Variants in CAPZB observed in about 807,000 individuals in gnomAD.
CAPZB encodes F-actin-capping protein subunit beta.
CAPZB carries 2 observed loss-of-function variants against 38.1 expected under a neutral mutation model. That is an observed-to-expected ratio of 0.05 (90% confidence interval 0.02 to 0.17). The LOEUF is 0.17. Among genes scored for constraint, CAPZB ranks in the 10% least tolerant of loss-of-function variants. The probability of loss-of-function intolerance (pLI) is 1.00; values close to 1 mark genes in which losing one functional copy is unlikely to be tolerated. For missense variants in CAPZB, 161 were observed against 334.2 expected (o/e 0.48, Z 4.04); for synonymous variants, 107 against 127.4 (o/e 0.84, Z 1.08).
At chr1:19,481,112 GCTGCCTCCAGCCTAAAGTTGAAC>G (rs1208007619) in intron 1 of CAPZB, among the ~76,000 whole-genome samples, 1 of 152,172 alleles carries the variant, frequency 6.6e-6, no homozygotes, top group Non-Finnish European at 1.5e-5. Context: ...CTTGTACTAT[GCTGCCTCCAGCCTAAAGTTGAAC>G]CTACCTTGTC....
chr1:19,390,989 C>T (rs1247454279), intron 2 of CAPZB, among the ~76,000 whole-genome samples: 1 of 152,106 alleles, frequency 6.6e-6, no homozygotes, highest in Non-Finnish European at 1.5e-5. Context: ...CACGCAGCTA[C>T]GGGCCAATGT....
chr1:19,373,247 C>T (rs1465553183), intron 4 of CAPZB, among the ~76,000 whole-genome samples: 1 of 152,134 alleles, frequency 6.6e-6, no homozygotes, highest in Non-Finnish European at 1.5e-5. Context: ...CCCTGCACCC[C>T]TACTCGCCTT....
intron 2 of CAPZB, among the ~76,000 whole-genome samples, chr1:19,417,390 T>C (rs1007864500): frequency 2.6e-5 from 4 of 152,170 alleles, no homozygotes; most frequent in Non-Finnish European, 4.4e-5. Flanking sequence ...ATGCTGAGTT[T>C]AGAGGAAAAA....
chr1:19,434,226 C>G (rs1005192612), intron 1 of CAPZB, among the ~76,000 whole-genome samples: 8 of 152,168 alleles, frequency 5.3e-5, no homozygotes, highest in Non-Finnish European at 1.0e-4. Context: ...GACAAGAGTT[C>G]AAAGCCCATA....
intron 1 of CAPZB, among the ~76,000 whole-genome samples, chr1:19,439,436 T>G (rs1350310595): frequency 6.6e-6 from 1 of 152,240 alleles, no homozygotes; most frequent in African/African-American, 2.4e-5. Context: ...TTCAGTGGCC[T>G]TGGAGTCCCA....
chr1:19,481,354 CA>C (rs2094627834), intron 1 of CAPZB, among the ~76,000 whole-genome samples: 1 of 152,276 alleles, frequency 6.6e-6, no homozygotes, highest in Admixed American at 6.5e-5. Context: ...GGATCTGCTG[CA>C]AGGGGAAATG....
At chr1:19,434,521 T>C (rs1319421040) in intron 1 of CAPZB, among the ~76,000 whole-genome samples, 1 of 149,382 alleles carries the variant, frequency 6.7e-6, no homozygotes, top group African/African-American at 2.5e-5. Context: ...GGCCAGGAGT[T>C]TGAGACCAAC....
chr1:19,405,112 G>A (rs2094324466), intron 2 of CAPZB, among the ~76,000 whole-genome samples: 2 of 152,164 alleles, frequency 1.3e-5, no homozygotes, highest in South Asian at 4.1e-4. Flanking sequence ...GCTCCAAGAG[G>A]CATCCGTCCC....
At chr1:19,428,702 C>T (rs1025728233) in intron 1 of CAPZB, among the ~76,000 whole-genome samples, 2 of 152,146 alleles carry the variant, frequency 1.3e-5, no homozygotes, top group Non-Finnish European at 2.9e-5. Flanking sequence ...AAAATCCGCA[C>T]CTAAACCTGG....
intron 1 of CAPZB, among the ~76,000 whole-genome samples, chr1:19,450,378 T>C (rs1274190182): frequency 6.6e-6 from 1 of 152,128 alleles, no homozygotes; most frequent in Non-Finnish European, 1.5e-5. Context: ...CCAAAGAACA[T>C]TTCCTTTGAG....
chr1:19,429,604 C>A (rs938574690), intron 1 of CAPZB, among the ~76,000 whole-genome samples: 18 of 152,196 alleles, frequency 1.2e-4, no homozygotes, highest in African/African-American at 4.1e-4. Flanking sequence ...GCACCGCCCA[C>A]AGAGCATCCT....
chr1:19,431,579 G>A (rs553243240), intron 1 of CAPZB, among the ~76,000 whole-genome samples: 12 of 141,056 alleles, frequency 8.5e-5, no homozygotes, highest in Middle Eastern at 3.6e-3. Flanking sequence ...AAATCAGCTG[G>A]GCGTGGTGGC....
At chr1:19,466,080 T>C (rs2094568159) in intron 1 of CAPZB, among the ~76,000 whole-genome samples, 1 of 152,180 alleles carries the variant, frequency 6.6e-6, no homozygotes, top group Non-Finnish European at 1.5e-5. Context: ...CTACCATCCA[T>C]GACCAAGGAC....
chr1:19,457,265 G>A (rs2094535889), intron 1 of CAPZB, among the ~76,000 whole-genome samples: 3 of 152,148 alleles, frequency 2.0e-5, no homozygotes, highest in African/African-American at 4.8e-5. Context: ...TTTCAACTGG[G>A]TTCACAGCAC....
intron 1 of CAPZB, 197 bp from the exon 2 acceptor site, chr1:19,419,947 T>C (rs1238920965): frequency 3.8e-6 from 2 of 527,988 alleles, no homozygotes; most frequent in Non-Finnish European, 6.7e-6. Context: ...TTGACAGCAG[T>C]CTCTGTCTCA....
intron 1 of CAPZB, among the ~76,000 whole-genome samples, chr1:19,447,227 T>TA (rs1234537680): frequency 1.4e-5 from 2 of 147,682 alleles, no homozygotes; most frequent in Non-Finnish European, 3.0e-5. Context: ...TTGACGAACT[T>TA]AAAACTCGAC....
intron 2 of CAPZB, among the ~76,000 whole-genome samples, chr1:19,396,216 C>T (rs756724562): frequency 1.3e-5 from 2 of 152,190 alleles, no homozygotes; most frequent in African/African-American, 2.4e-5. Context: ...GCCTCATGCC[C>T]GGCTTGATGC....
chr1:19,450,793 A>T (rs996741376), intron 1 of CAPZB, among the ~76,000 whole-genome samples: 1 of 152,258 alleles, frequency 6.6e-6, no homozygotes, highest in African/African-American at 2.4e-5. Flanking sequence ...CTGAAGAAGG[A>T]TAAAGCAGCA....
intron 1 of CAPZB, among the ~76,000 whole-genome samples, chr1:19,430,829 C>A (rs751104702): frequency 3.6e-4 from 55 of 152,164 alleles, no homozygotes; most frequent in Non-Finnish European, 5.0e-4. Context: ...ACAACATATA[C>A]AATGGGCTAA....
Sources: allele counts gnomAD v4.1 joint callset (sites outside exome capture counted in the v4.1 genomes callset), GRCh38; gene constraint gnomAD v4.1.1; transcripts MANE v1.5; gene names NCBI Gene and HGNC (gene_info 2026-07-23, HGNC 2026-07-21).